The following CLIP4 variants were observed in gnomAD, a reference collection of about 807,000 sequenced individuals.
CLIP4 encodes CAP-Gly domain containing linker protein family member 4.
A neutral mutation model predicts 73.1 loss-of-function variants in CLIP4; 47 were observed. The observed-to-expected ratio is 0.64, with a 90% CI of 0.51 to 0.82. CLIP4 has a LOEUF of 0.82. Among genes scored for constraint, CLIP4 ranks in the 40% least tolerant of loss-of-function variants. The pLI is 0.00. For missense variants in CLIP4, 874 were observed against 852.9 expected, an observed-to-expected ratio of 1.02 and a Z score of -0.31; for synonymous variants, 306 against 295.4, an observed-to-expected ratio of 1.04 and a Z score of -0.37.
intron 2 of CLIP4, among the ~76,000 whole-genome samples, chr2:29,122,203 A>C (rs1051416020): frequency 1.3e-5 from 2 of 150,294 alleles, no homozygotes; most frequent in African/African-American, 4.9e-5. Flanking sequence ...TTTTAGTCAT[A>C]TTCGTTGTAG....
intron 6 of CLIP4, among the ~76,000 whole-genome samples, chr2:29,141,192 A>G (rs1218867353): frequency 6.6e-6 from 1 of 151,884 alleles, no homozygotes; most frequent in African/African-American, 2.4e-5. Flanking sequence ...GGTCCAAGAG[A>G]TTCTTGGTGT....
chr2:29,179,325 A>G (rs1013306276), intron 15 of CLIP4, among the ~76,000 whole-genome samples: 3 of 152,212 alleles, frequency 2.0e-5, no homozygotes, highest in African/African-American at 7.2e-5. Context: ...CTACATTCTT[A>G]CGACAGAGCC....
chr2:29,163,928 A>G lies in CLIP4; in HGVS notation c.1632A>G (p.Ile544Met), dbSNP rs1353334409. The change falls in exon 13 of 16, where the codon ATA (isoleucine) becomes ATG (methionine). Residue 544 changes from isoleucine (I) to methionine (M), a missense_variant. Transcript: ENST00000320081. Reference protein sequence around the residue: ...QYFSCSPRYGIFAPPSRVQRV... With the variant: ...QYFSCSPRYGMFAPPSRVQRV... ...TTAGCTGTTCTCCAAGATATGGAAT[A>G]TTTGCTCCCCCATCCAGGGTGCAAA... The G allele has an allele frequency of 1.2e-6, 2 of 1,613,236 alleles. No individual in the cohort carries two copies. The highest frequency in any genetic ancestry group is 4.5e-5 in the East Asian group (2 of 44,860).
intron 15 of CLIP4, 199 bp downstream of exon 15, chr2:29,174,644 A>G (rs1668218074): frequency 4.5e-6 from 6 of 1,329,050 alleles, no homozygotes; most frequent in Non-Finnish European, 4.8e-6. Context: ...ACCAGTGACT[A>G]AAACTAGTGC....
rs182080321 is a variant in CLIP4, at chr2:29,133,967, C to A, written c.529+151C>A. On this transcript the variant is annotated intron_variant, in intron 5 of 15. Coordinates refer to ENST00000320081, the MANE Select transcript of CLIP4 (RefSeq NM_024692.6). ...TTATTTCTGAGATAGTTTAAAATTT[C>A]TTTATTGAGTATTAATTACTATCTT... 4.5e-4 allele frequency: 283 copies of A among 632,434 alleles called. 3 individuals are homozygous for A. In the East Asian group the frequency reaches 6.1e-3, roughly 14 times the overall value. The allele number at this position is 632,434 out of a possible 1,614,324, so 39.2% of individuals were successfully genotyped here.
intron 10 of CLIP4, 30 bp downstream of exon 10, chr2:29,156,473 A>G (rs779102184): frequency 2.7e-6 from 4 of 1,458,858 alleles, no homozygotes; most frequent in Non-Finnish European, 3.7e-6. Context: ...CTGTTTCTCA[A>G]AATTTAACTT....
chr2:29,118,451 G>A (rs1403850863), intron 1 of CLIP4: 1 of 152,144 alleles, frequency 6.6e-6, no homozygotes, highest in African/African-American at 2.4e-5. Context: ...TCAGAGTTTG[G>A]GGAATTTGAT....
chr2:29,173,068 T>G (rs1668113701), intron 14 of CLIP4, among the ~76,000 whole-genome samples: 2 of 152,230 alleles, frequency 1.3e-5, no homozygotes, highest in African/African-American at 4.8e-5. Context: ...ATGGTTTGCC[T>G]TCTTTCCTTG....
intron 6 of CLIP4, 81 bp from the exon 7 acceptor site, chr2:29,143,628 A>T: frequency 1.1e-6 from 1 of 928,724 alleles, no homozygotes; most frequent in South Asian, 1.5e-5. Context: ...TTTAACGTAA[A>T]GTTCTTCCAA....
At chr2:29,132,418 A>G (rs1390577530) in intron 4 of CLIP4, 173 bp downstream of exon 4, 4 of 606,052 alleles carry the variant, frequency 6.6e-6, no homozygotes, top group Middle Eastern at 2.7e-4. Context: ...CCCTTTAATC[A>G]AGGAGGTCTT....
chr2:29,115,824 G>A lies in CLIP4; in HGVS notation c.-16+159G>A, dbSNP rs959636963. 6.6e-6 allele frequency among the ~76,000 whole-genome samples: 1 copy of A among 151,678 alleles called. No homozygotes were observed. Among genetic ancestry groups the A allele is most frequent in the African/African-American group, 2.4e-5 (1 of 41,360 alleles). On this transcript the variant is annotated intron_variant, in intron 1 of 15. Coordinates refer to ENST00000320081, the MANE Select transcript of CLIP4 (RefSeq NM_024692.6). This position sits in a 1 kb window ranked among gnomAD's most constrained non-coding sequence, Gnocchi z 5.1. ...TGTGGAAGCCCCGCGGCCGCCTCCCGTGGGCACCGGTGTCGCTGGCCGCGG... is the reference window on the plus strand; with the variant it reads ...TGTGGAAGCCCCGCGGCCGCCTCCCATGGGCACCGGTGTCGCTGGCCGCGG...
chr2:29,177,313 G>A (rs1043947931), intron 15 of CLIP4, among the ~76,000 whole-genome samples: 14 of 151,952 alleles, frequency 9.2e-5, no homozygotes, highest in Admixed American at 9.2e-4. Flanking sequence ...GGAGGCTGAG[G>A]CAGGGGAATC....
chr2:29,141,697 G>T (rs1384812390), intron 6 of CLIP4, among the ~76,000 whole-genome samples: 1 of 151,908 alleles, frequency 6.6e-6, no homozygotes, highest in Non-Finnish European at 1.5e-5. Flanking sequence ...TGAGCCTATG[G>T]GTGTCATTAC....
chr2:29,150,718 G>T (rs1234213253), intron 8 of CLIP4, among the ~76,000 whole-genome samples: 1 of 136,976 alleles, frequency 7.3e-6, no homozygotes, highest in Non-Finnish European at 1.5e-5. Context: ...TGGCCTCCCA[G>T]GTTCAAGCGA....
chr2:29,123,629 C>T (rs1183126561), intron 2 of CLIP4, among the ~76,000 whole-genome samples: 1 of 152,120 alleles, frequency 6.6e-6, no homozygotes, highest in Non-Finnish European at 1.5e-5. Context: ...TGAGGGAAGA[C>T]CTTGGTATAT....
At chr2:29,169,805 G>A (rs1315750740) in intron 14 of CLIP4, among the ~76,000 whole-genome samples, 1 of 151,934 alleles carries the variant, frequency 6.6e-6, no homozygotes, top group Non-Finnish European at 1.5e-5. Context: ...AATATACAAT[G>A]TTGTTACCCG....
chr2:29,156,638 T>A (rs1276196692), intron 10 of CLIP4, among the ~76,000 whole-genome samples, 195 bp downstream of exon 10: 1 of 152,336 alleles, frequency 6.6e-6, no homozygotes, highest in Middle Eastern at 3.4e-3. Flanking sequence ...TGTAAAGTAC[T>A]GCATTATGAT....
Position 29,174,500 on chromosome 2 carries a change from C to G in CLIP4, c.1796+55C>G, listed in dbSNP as rs2148106591. On this transcript the variant is annotated intron_variant, in intron 15 of 15. Coordinates refer to ENST00000320081, the MANE Select transcript of CLIP4 (RefSeq NM_024692.6). ...CTTTCAAGATGAACATGATGGGATT[C>G]TGTGAAGAAAGAAAAGTGGAGTGCT... 1.9e-6 allele frequency: 3 copies of G among 1,580,630 alleles called. No individual in the cohort carries two copies. In the East Asian group the frequency reaches 6.8e-5, roughly 36 times the overall value.
At chr2:29,115,277 G>C (rs929241248), upstream of CLIP4, 1 of 152,288 alleles carries the variant, frequency 6.6e-6, no homozygotes, top group South Asian at 2.1e-4. The surrounding 1 kb of genome is among the most constrained non-coding windows in gnomAD (Gnocchi z 5.1). Flanking sequence ...GCTTCGCGGC[G>C]GGGGAGGTAA....
Sources: allele counts gnomAD v4.1 joint callset (sites outside exome capture counted in the v4.1 genomes callset), GRCh38; gene constraint gnomAD v4.1.1; non-coding constraint Gnocchi (gnomAD v3.1); transcripts MANE v1.5; gene names NCBI Gene and HGNC (gene_info 2026-07-23, HGNC 2026-07-21).